Variants in CBX5 observed in about 807,000 individuals in gnomAD.
CBX5 encodes chromobox protein homolog 5.
A neutral mutation model predicts 20.7 loss-of-function variants in CBX5; 7 were observed. The ratio of observed to expected loss-of-function variants is 0.34; its 90% confidence interval spans 0.19 to 0.63. CBX5 has a LOEUF of 0.63. Ranked by LOEUF, CBX5 falls within the 30% of genes least tolerant of loss-of-function variation. CBX5 has a pLI of 0.75. For missense variants in CBX5, 110 were observed against 224.1 expected (o/e 0.49, Z 3.25); for synonymous variants, 78 against 77.0 (o/e 1.01, Z -0.07).
intron 1 of CBX5, chr12:54,276,623 T>A (rs1944070752): frequency 6.6e-6 from 1 of 152,194 alleles, no homozygotes; most frequent in Non-Finnish European, 1.5e-5. Flanking sequence ...GCAATCAAAG[T>A]TGGCATGATT....
In CBX5 at chr12:54,234,222, C is replaced by T. The variant is rs1264495073; in HGVS notation, c.*7533G>A. On this transcript the variant is annotated 3_prime_UTR_variant, in exon 5 of 5. Coordinates refer to ENST00000209875, the MANE Select transcript of CBX5 (RefSeq NM_012117.3). ...AAAAAAAAAAGGTTCAATATGGATACTCTAGGTACAGGAACCATTCCAAGA... is the reference window on the plus strand; with the variant it reads ...AAAAAAAAAAGGTTCAATATGGATATTCTAGGTACAGGAACCATTCCAAGA... 2 of 134,230 alleles carry T rather than the reference C, an allele frequency of 1.5e-5. No homozygotes were observed. Among genetic ancestry groups the T allele is most frequent in the African/African-American group, 5.4e-5 (2 of 37,202 alleles). The allele number at this position is 134,230 out of a possible 1,614,324, so 8.3% of individuals were successfully genotyped here. A position where few individuals can be genotyped will look rare whatever the true frequency, so the allele number is the denominator to read the frequency against.
chr12:54,251,640 C>G (rs1053850870), intron 3 of CBX5, among the ~76,000 whole-genome samples: 21 of 151,580 alleles, frequency 1.4e-4, no homozygotes, highest in African/African-American at 4.4e-4. Flanking sequence ...AGCTGAGATC[C>G]AGCCACTGCA....
At chr12:54,245,635 TATAAAA>T (rs1943727444) in intron 4 of CBX5, among the ~76,000 whole-genome samples, 1 of 151,768 alleles carries the variant, frequency 6.6e-6, no homozygotes, top group Non-Finnish European at 1.5e-5. Context: ...CTACTAAAAA[TATAAAA>T]GTAGCCAGGT....
chr12:54,255,933 C>T (rs757798426), intron 2 of CBX5: 2 of 152,140 alleles, frequency 1.3e-5, no homozygotes, highest in Admixed American at 6.5e-5. Context: ...TTGTGAGAAT[C>T]GAAGAGAGCA....
chr12:54,254,312 CA>C (rs1943841977), intron 2 of CBX5, among the ~76,000 whole-genome samples: 1 of 66,970 alleles, frequency 1.5e-5, no homozygotes. Flanking sequence ...GCCTGGGCAA[CA>C]AGAGTGAAAC....
intron 1 of CBX5, among the ~76,000 whole-genome samples, chr12:54,275,554 G>A (rs1304875929): frequency 2.6e-5 from 4 of 151,976 alleles, no homozygotes; most frequent in African/African-American, 9.7e-5. Context: ...ATGTCTCTAA[G>A]TTCTAAGCAC....
At chr12:54,269,345 C>T (rs1476500332) in intron 1 of CBX5, among the ~76,000 whole-genome samples, 1 of 152,150 alleles carries the variant, frequency 6.6e-6, no homozygotes, top group Non-Finnish European at 1.5e-5. Flanking sequence ...GGTATTTCTT[C>T]CTAAAAGGTT....
intron 1 of CBX5, among the ~76,000 whole-genome samples, chr12:54,277,804 A>G (rs898793713): frequency 2.0e-5 from 3 of 152,164 alleles, no homozygotes; most frequent in Admixed American, 2.0e-4. Context: ...TGGTAAAATA[A>G]TGGATTTTGA....
chr12:54,241,661 G>T lies in CBX5; in HGVS notation c.*94C>A, dbSNP rs1943678138. The T allele has an allele frequency of 8.5e-7, 1 of 1,176,266 alleles. No homozygotes were observed. The highest frequency in any genetic ancestry group is 1.2e-6 in the Non-Finnish European group (1 of 830,676). 72.9% of individuals were successfully genotyped at this position (1,176,266 alleles called of 1,614,324 possible). A position where few individuals can be genotyped will look rare whatever the true frequency, so the allele number is the denominator to read the frequency against. ...AGTGATAAGCACATTTTTTATGGAT[G>T]TGTTTAGGATAGAAAGGGGTGGGTA... On this transcript the variant is annotated 3_prime_UTR_variant, in exon 5 of 5. Coordinates refer to ENST00000209875, the MANE Select transcript of CBX5 (RefSeq NM_012117.3).
chr12:54,239,814 T>C lies in CBX5; in HGVS notation c.*1941A>G, dbSNP rs1238466450. On this transcript the variant is annotated 3_prime_UTR_variant, in exon 5 of 5. Coordinates refer to ENST00000209875, the MANE Select transcript of CBX5 (RefSeq NM_012117.3). ...ACTGCAGCAACAGCTGTCACCTCAA[T>C]TATGCAGTATAATTTTTGACATAAT... 2 of 152,226 alleles carry C rather than the reference T, an allele frequency of 1.3e-5. No individual in the cohort carries two copies. Among genetic ancestry groups the C allele is most frequent in the Admixed American group, 1.3e-4 (2 of 15,280 alleles). The allele number at this position is 152,226 out of a possible 1,614,324, so 9.4% of individuals were successfully genotyped here.
intron 2 of CBX5, among the ~76,000 whole-genome samples, chr12:54,256,211 G>A (rs1164535882): frequency 6.6e-6 from 1 of 152,104 alleles, no homozygotes; most frequent in Non-Finnish European, 1.5e-5. Flanking sequence ...ATCTTCTGGT[G>A]TTACTTTAGT....
Position 54,236,434 on chromosome 12 carries a change from A to C in CBX5, c.*5321T>G, listed in dbSNP as rs1943623593. 1 of 152,182 alleles carries C rather than the reference A, an allele frequency of 6.6e-6. No individual in the cohort carries two copies. The highest frequency in any genetic ancestry group is 2.1e-4 in the South Asian group (1 of 4,834). 9.4% of individuals were successfully genotyped at this position (152,182 alleles called of 1,614,324 possible). ...GCTGGAATTTAGAAAGCTTAATAAA[A>C]ATTGGGTGAGGGGGCATCTAATTCA... On this transcript the variant is annotated 3_prime_UTR_variant, in exon 5 of 5. Coordinates refer to ENST00000209875, the MANE Select transcript of CBX5 (RefSeq NM_012117.3).
At chr12:54,274,022 T>C (rs545580430) in intron 1 of CBX5, 145 of 152,338 alleles carry the variant, frequency 9.5e-4, no homozygotes, top group African/African-American at 3.3e-3. Context: ...AGGATACAAT[T>C]TGCCCCAAAG....
intron 1 of CBX5, among the ~76,000 whole-genome samples, chr12:54,278,034 A>G (rs1266322348): frequency 6.6e-5 from 10 of 152,140 alleles, no homozygotes; most frequent in Non-Finnish European, 1.5e-5. Context: ...TTTTAAATGA[A>G]TGGTTTTCAA....
At chr12:54,250,843 A>C (rs1943792006) in intron 3 of CBX5, among the ~76,000 whole-genome samples, 1 of 113,610 alleles carries the variant, frequency 8.8e-6, no homozygotes, top group Non-Finnish European at 1.8e-5. Context: ...AAAAAAAAAA[A>C]AGAAAGGGCC....
At chr12:54,251,235 C>T (rs887562799) in intron 3 of CBX5, among the ~76,000 whole-genome samples, 81 of 151,698 alleles carry the variant, frequency 5.3e-4, no homozygotes, top group African/African-American at 1.9e-3. Context: ...CCAAGGCAGG[C>T]GGATCACGAG....
chr12:54,243,826 A>G (rs1042084734), intron 4 of CBX5, among the ~76,000 whole-genome samples: 2 of 143,046 alleles, frequency 1.4e-5, no homozygotes, highest in African/African-American at 5.2e-5. Flanking sequence ...CCGAGATGGT[A>G]CCACTGCACT....
At chr12:54,255,221 G>A (rs1188543687) in intron 2 of CBX5, among the ~76,000 whole-genome samples, 1 of 152,064 alleles carries the variant, frequency 6.6e-6, no homozygotes, top group Non-Finnish European at 1.5e-5. Context: ...GAACCCAAGA[G>A]AGCGAGACCA....
chr12:54,272,654 G>GT (rs1480941094), intron 1 of CBX5: 1 of 152,192 alleles, frequency 6.6e-6, no homozygotes, highest in East Asian at 1.9e-4. Context: ...ACCCCAAGGA[G>GT]TTGACAGTCA....
Sources: allele counts gnomAD v4.1 joint callset (sites outside exome capture counted in the v4.1 genomes callset), GRCh38; gene constraint gnomAD v4.1.1; transcripts MANE v1.5; gene names NCBI Gene and HGNC (gene_info 2026-07-23, HGNC 2026-07-21).